SAMD5: variants seen among roughly 807,000 people sequenced by gnomAD.
SAMD5 encodes the protein sterile alpha motif domain-containing protein 5.
Under a neutral mutation model 11.3 loss-of-function variants are expected in SAMD5, and 13 were observed. That is an observed-to-expected ratio of 1.15 (90% CI 0.75 to 1.83). SAMD5 has a LOEUF of 1.83. SAMD5 is among the 40% of genes most tolerant of loss of function. The pLI is 0.00. For synonymous variants in SAMD5, 129 were observed against 111.3 expected, an observed-to-expected ratio of 1.16 and a Z score of -1.00; for missense variants, 255 against 239.1, an observed-to-expected ratio of 1.07 and a Z score of -0.44.
At chr6:147,520,368 G>A (rs1244820361) in intron 1 of SAMD5, among the ~76,000 whole-genome samples, 1 of 152,108 alleles carries the variant, frequency 6.6e-6, no homozygotes, top group Non-Finnish European at 1.5e-5. Context: ...TGATCCACCT[G>A]CCTGGCCTCC....
intron 1 of SAMD5, among the ~76,000 whole-genome samples, chr6:147,585,818 TGA>T (rs972305780): frequency 4.8e-4 from 73 of 152,268 alleles, no homozygotes; most frequent in African/African-American, 1.7e-3. Context: ...ATTTCACTTT[TGA>T]GAGAGAGAAT....
the SAMD5 span, among the ~76,000 whole-genome samples, chr6:147,926,387 G>A: frequency 6.6e-6 from 1 of 152,128 alleles, no homozygotes; most frequent in Non-Finnish European, 1.5e-5. Flanking sequence ...TCTGACTGGT[G>A]TGAGATGGCA....
rs149609941 is a variant in SAMD5 at position 147,526,240 on chromosome 6, A to G, written c.459+16853A>G. Among the ~76,000 whole-genome samples the G allele has an allele frequency of 4.4e-3, 666 of 152,330 alleles. 12 individuals carry two copies. The East Asian group carries it at 0.047, about 11-fold the overall frequency. Reference sequence around the variant, plus strand: ...GTTTCATATTTGTGTTTAATTGTGCATTTTAGCCTATTACGTGATTATTAA... The same window carrying G: ...GTTTCATATTTGTGTTTAATTGTGCGTTTTAGCCTATTACGTGATTATTAA... On this transcript the variant is annotated intron_variant, in intron 1 of 1. Coordinates refer to ENST00000367474, the MANE Select transcript of SAMD5 (RefSeq NM_001030060.3).
intron 1 of SAMD5, among the ~76,000 whole-genome samples, chr6:147,615,610 G>T (rs926637445): frequency 6.6e-6 from 1 of 152,136 alleles, no homozygotes. Context: ...TTTCATTCAT[G>T]GTTGCGAACT....
chr6:147,812,922 C>T, the SAMD5 span, among the ~76,000 whole-genome samples: 1 of 152,138 alleles, frequency 6.6e-6, no homozygotes, highest in Non-Finnish European at 1.5e-5. Flanking sequence ...CAATATTGGC[C>T]TCTCATTACC....
At chr6:147,653,244 G>T (rs1273509973) in intron 1 of SAMD5, among the ~76,000 whole-genome samples, 3 of 152,170 alleles carry the variant, frequency 2.0e-5, no homozygotes, top group Admixed American at 2.0e-4. Flanking sequence ...GAGTTAAATA[G>T]ACTTGCTTTA....
intron 1 of SAMD5, among the ~76,000 whole-genome samples, chr6:147,613,268 G>A (rs990955364): frequency 6.6e-6 from 1 of 151,924 alleles, no homozygotes; most frequent in Non-Finnish European, 1.5e-5. Flanking sequence ...CAGGAGGAGT[G>A]CGTCTAGTCA....
chr6:147,554,704 A>G (rs1464263147), intron 1 of SAMD5, among the ~76,000 whole-genome samples: 1 of 152,174 alleles, frequency 6.6e-6, no homozygotes, highest in Non-Finnish European at 1.5e-5. Context: ...ACTGAGCCAG[A>G]TGAGAGCCAG....
the SAMD5 span, among the ~76,000 whole-genome samples, chr6:147,755,392 G>T: frequency 6.6e-6 from 1 of 151,980 alleles, no homozygotes; most frequent in Non-Finnish European, 1.5e-5. Context: ...TAGTTAAGGA[G>T]TACAAAAGCA....
intron 1 of SAMD5, among the ~76,000 whole-genome samples, chr6:147,513,254 G>A (rs1788116668): frequency 6.6e-6 from 1 of 152,198 alleles, no homozygotes; most frequent in Admixed American, 6.5e-5. Flanking sequence ...CCTGACCAGA[G>A]GCAAGCCAAA....
chr6:147,607,544 A>AT (rs2128448802), intron 1 of SAMD5, among the ~76,000 whole-genome samples: 1 of 152,246 alleles, frequency 6.6e-6, no homozygotes, highest in Admixed American at 6.5e-5. Flanking sequence ...CAGTGAACCC[A>AT]TTTTTGATAA....
At chr6:147,649,790 CAAAA>C (rs34595414) in intron 1 of SAMD5, among the ~76,000 whole-genome samples, 1 of 106,450 alleles carries the variant, frequency 9.4e-6, no homozygotes, top group Admixed American at 9.2e-5. Context: ...GACAACGTCT[CAAAA>C]AAAAAAAAAA....
the SAMD5 span, among the ~76,000 whole-genome samples, chr6:147,793,009 A>T: frequency 6.6e-6 from 1 of 152,200 alleles, no homozygotes; most frequent in Non-Finnish European, 1.5e-5. Flanking sequence ...TACCCTCAAA[A>T]TAGAGCATAT....
At chr6:147,752,883 AT>A in the SAMD5 span, among the ~76,000 whole-genome samples, 3 of 152,168 alleles carry the variant, frequency 2.0e-5, no homozygotes, top group Non-Finnish European at 2.9e-5. Context: ...GCATGTTGGA[AT>A]TTGTTTGGAA....
chr6:147,787,559 G>A, the SAMD5 span, among the ~76,000 whole-genome samples: 1 of 152,154 alleles, frequency 6.6e-6, no homozygotes, highest in African/African-American at 2.4e-5. Context: ...ACTCAGTCCT[G>A]AATTGTCACT....
At chr6:147,573,940 T>C (rs147431939), downstream of SAMD5, among the ~76,000 whole-genome samples, 147 of 152,138 alleles carry the variant, frequency 9.7e-4, 2 homozygotes, top group East Asian at 0.027. Context: ...CTGGCCAACG[T>C]GGTGAAACCC....
At chr6:147,816,410 G>C in the SAMD5 span, among the ~76,000 whole-genome samples, 1 of 145,374 alleles carries the variant, frequency 6.9e-6, no homozygotes, top group Non-Finnish European at 1.5e-5. Flanking sequence ...TACTGGATCA[G>C]AGTATTGGTT....
chr6:147,697,908 C>A (rs919868565), intron 1 of SAMD5, among the ~76,000 whole-genome samples: 3 of 152,186 alleles, frequency 2.0e-5, no homozygotes, highest in African/African-American at 7.2e-5. Context: ...GGGCAGCTGT[C>A]CCCAACCTTT....
chr6:147,733,691 G>T (rs1169822407), intron 1 of SAMD5: 1 of 373,478 alleles, frequency 2.7e-6, no homozygotes, highest in Non-Finnish European at 3.7e-6. Context: ...TATACTAAAT[G>T]TTATATCTGA....
Sources: gnomAD v4.1 joint callset for allele counts (sites outside exome capture counted in the v4.1 genomes callset) on GRCh38, gnomAD v4.1.1 for gene constraint, MANE v1.5 for transcripts, NCBI Gene and HGNC (gene_info 2026-07-23, HGNC 2026-07-21) for gene names.